Variants in SORCS2 observed in about 807,000 individuals in gnomAD.
SORCS2 encodes VPS10 domain-containing receptor SorCS2.
A neutral mutation model predicts 141.6 loss-of-function variants in SORCS2; 100 were observed. The ratio of observed to expected loss-of-function variants is 0.71; its 90% CI spans 0.60 to 0.83. The LOEUF is 0.83. Ranked by LOEUF, SORCS2 falls within the 40% of genes least tolerant of loss-of-function variation. The pLI, the probability that SORCS2 is intolerant of heterozygous loss-of-function variation, is 0.00. For missense variants in SORCS2, 1,646 were observed against 1,560.2 expected, an observed-to-expected ratio of 1.05 and a Z score of -0.93; for synonymous variants, 789 against 676.9, an observed-to-expected ratio of 1.17 and a Z score of -2.57.
intron 4 of SORCS2, among the ~76,000 whole-genome samples, chr4:7,644,358 CA>C (rs201078190): frequency 0.011 from 1,675 of 152,298 alleles, 28 homozygotes; most frequent in African/African-American, 0.038. Context: ...TCACCACCAC[CA>C]CGTCTCCACC....
chr4:7,713,788 G>A lies in SORCS2; in HGVS notation c.1990-452G>A, dbSNP rs1034934887. On this transcript the variant is annotated intron_variant, in intron 15 of 26. Coordinates refer to ENST00000507866, the MANE Select transcript of SORCS2 (RefSeq NM_020777.3). ...AGGAGGTTTAGGAGCTTGAATACAGGCCACCGGGCATCCTCACTGGCCCCA... is the reference window on the plus strand; with the variant it reads ...AGGAGGTTTAGGAGCTTGAATACAGACCACCGGGCATCCTCACTGGCCCCA... 2.6e-5 allele frequency among the ~76,000 whole-genome samples: 4 copies of A among 152,174 alleles called. 1 individual carries two copies. The highest frequency in any genetic ancestry group is 3.9e-4 in the East Asian group (2 of 5,186).
intron 1 of SORCS2, among the ~76,000 whole-genome samples, chr4:7,215,730 A>G (rs1359615428): frequency 6.6e-6 from 1 of 152,218 alleles, no homozygotes; most frequent in Non-Finnish European, 1.5e-5. Context: ...TTGTGAGTGC[A>G]CCAATGGACA....
chr4:7,630,181 C>T (rs1045202748), intron 3 of SORCS2, among the ~76,000 whole-genome samples: 3 of 152,140 alleles, frequency 2.0e-5, no homozygotes, highest in Non-Finnish European at 4.4e-5. Flanking sequence ...CCTCTGGGAC[C>T]TGGACACAGC....
chr4:7,424,009 G>A (rs186605696), intron 2 of SORCS2, among the ~76,000 whole-genome samples: 227 of 152,296 alleles, frequency 1.5e-3, no homozygotes, highest in African/African-American at 5.2e-3. Context: ...AGGGCGCTCC[G>A]TGTCCTGGCA....
chr4:7,316,133 C>A (rs1264143153), intron 1 of SORCS2, among the ~76,000 whole-genome samples: 1 of 151,506 alleles, frequency 6.6e-6, no homozygotes, highest in Non-Finnish European at 1.5e-5. Context: ...ATCCATTTAT[C>A]TATTCATCCA....
chr4:7,256,962 A>T (rs1287930299), intron 1 of SORCS2, among the ~76,000 whole-genome samples: 1 of 152,198 alleles, frequency 6.6e-6, no homozygotes, highest in Admixed American at 6.5e-5. Flanking sequence ...TGTCATCGGT[A>T]GAGACTCGGG....
At chr4:7,678,677 C>A (rs549196263) in intron 9 of SORCS2, among the ~76,000 whole-genome samples, 1 of 150,646 alleles carries the variant, frequency 6.6e-6, no homozygotes, top group Non-Finnish European at 1.5e-5. Context: ...AGAAGAGGTT[C>A]GCAGTGGCCC....
At chr4:7,603,865 C>A (rs774488754) in intron 3 of SORCS2, among the ~76,000 whole-genome samples, 3 of 152,092 alleles carry the variant, frequency 2.0e-5, no homozygotes. Flanking sequence ...CCTAGCCTGG[C>A]GTTTTTAGAT....
chr4:7,388,500 A>G (rs1211957456), intron 1 of SORCS2, among the ~76,000 whole-genome samples: 2 of 152,130 alleles, frequency 1.3e-5, no homozygotes, highest in Non-Finnish European at 2.9e-5. Context: ...TGTCATGACT[A>G]CTAAAGGGTC....
At chr4:7,419,099 G>A (rs55739999) in intron 2 of SORCS2, among the ~76,000 whole-genome samples, 32,776 of 152,248 alleles carry the variant, frequency 0.22, 4,542 homozygotes, top group Middle Eastern at 0.4. Flanking sequence ...TCAAAAAGTG[G>A]GGAAATAACT....
At chr4:7,265,803 G>C (rs528645781) in intron 1 of SORCS2, among the ~76,000 whole-genome samples, 1 of 152,200 alleles carries the variant, frequency 6.6e-6, no homozygotes, top group Non-Finnish European at 1.5e-5. Context: ...ATCAGGACAC[G>C]GACATCTCTT....
chr4:7,591,274 G>A (rs1489012077), intron 3 of SORCS2, among the ~76,000 whole-genome samples: 1 of 152,120 alleles, frequency 6.6e-6, no homozygotes, highest in African/African-American at 2.4e-5. Context: ...CTAACAAGGT[G>A]TCTCACCTCT....
chr4:7,591,787 G>T (rs1716931537), intron 3 of SORCS2, among the ~76,000 whole-genome samples: 1 of 151,858 alleles, frequency 6.6e-6, no homozygotes. Context: ...TCTGACCCCG[G>T]CGGGCCTGTC....
intron 3 of SORCS2, among the ~76,000 whole-genome samples, chr4:7,585,526 C>G (rs1488401111): frequency 6.6e-6 from 1 of 152,204 alleles, no homozygotes; most frequent in African/African-American, 2.4e-5. Flanking sequence ...GAACAAATCA[C>G]AGGACTATCA....
intron 2 of SORCS2, among the ~76,000 whole-genome samples, chr4:7,413,978 A>G (rs191409041): frequency 9.7e-4 from 147 of 152,168 alleles, no homozygotes; most frequent in South Asian, 5.4e-3. Flanking sequence ...GCTGTTGCTG[A>G]TGTTACTGGA....
Position 7,742,418 on chromosome 4 carries a change from T to G in SORCS2, c.*2154T>G, listed in dbSNP as rs1330454709. On this transcript the variant is annotated 3_prime_UTR_variant, in exon 27 of 27. Transcript: ENST00000507866. ...AGCTCACAGTGCCTGCGGTAGCCAC[T>G]CTAGGTCGTTGGCCTTCCTTGACCA... 2 of 152,290 alleles carry G rather than the reference T, an allele frequency of 1.3e-5. No homozygotes were observed. Among genetic ancestry groups the G allele is most frequent in the South Asian group, 2.1e-4 (1 of 4,834 alleles). 9.4% of individuals were successfully genotyped at this position (152,290 alleles called of 1,614,324 possible).
chr4:7,297,634 C>T (rs1006267946), intron 1 of SORCS2, among the ~76,000 whole-genome samples: 5 of 152,222 alleles, frequency 3.3e-5, no homozygotes, highest in Admixed American at 6.5e-5. Context: ...CCTAGATCCT[C>T]GTCTGAAGTT....
chr4:7,610,243 C>T (rs940923472), intron 3 of SORCS2, among the ~76,000 whole-genome samples: 4 of 152,192 alleles, frequency 2.6e-5, no homozygotes, highest in African/African-American at 4.8e-5. Flanking sequence ...GTGGGAGTCA[C>T]GCCCACCCCT....
chr4:7,367,321 T>C (rs1490073347), intron 1 of SORCS2, among the ~76,000 whole-genome samples: 1 of 151,946 alleles, frequency 6.6e-6, no homozygotes, highest in Non-Finnish European at 1.5e-5. Flanking sequence ...TCAAACAGAG[T>C]GGGGAAGCAC....
Sources: gnomAD v4.1 joint callset for allele counts (sites outside exome capture counted in the v4.1 genomes callset) on GRCh38, gnomAD v4.1.1 for gene constraint, MANE v1.5 for transcripts, NCBI Gene and HGNC (gene_info 2026-07-23, HGNC 2026-07-21) for gene names.